The following TBC1D4 variants were observed in gnomAD, a reference collection of about 807,000 sequenced individuals.
The protein encoded by TBC1D4 is TBC (Tre-2, BUB2, CDC16) domain-containing protein.
Under a neutral mutation model 142.5 loss-of-function variants are expected in TBC1D4, and 121 were observed. The ratio of observed to expected loss-of-function variants is 0.85; its 90% confidence interval spans 0.73 to 0.99. TBC1D4 has a LOEUF of 0.99. TBC1D4 is among the 50% of genes least tolerant of loss of function. The pLI, the probability that TBC1D4 is intolerant of heterozygous loss-of-function variation, is 0.00. For synonymous variants in TBC1D4, 630 were observed against 628.2 expected (o/e 1.00, Z -0.04); for missense variants, 1,475 against 1,606.6 (o/e 0.92, Z 1.40).
chr13:75,365,676 C>T (rs1006703118), intron 1 of TBC1D4, among the ~76,000 whole-genome samples: 10 of 152,114 alleles, frequency 6.6e-5, no homozygotes, highest in Admixed American at 6.5e-5. Flanking sequence ...GAATTTGAAT[C>T]CTTCTTATAT....
chr13:75,312,839 C>T lies in TBC1D4; in HGVS notation c.2282G>A (p.Gly761Glu), dbSNP rs1391299571. 1.2e-6 allele frequency: 2 copies of T among 1,614,182 alleles called. No homozygotes were observed. Among genetic ancestry groups the T allele is most frequent in the Non-Finnish European group, 1.7e-6 (2 of 1,180,030 alleles). ...STCSNESLSV[G>E]GTSVTPRRIS... ...CCGGCGAGGAGTGACAGAGGTTCCT[C>T]CCACACTTAGGGACTCATTGCTGCA... Residue 761 changes from glycine (G) to glutamate (E), a missense_variant, in exon 13 of 21, where the codon GGA becomes GAA. This residue lies in a region of TBC1D4 where 1,227 missense variants were observed against 1,267.7 expected (regional missense o/e 0.97). Transcript: ENST00000377636.
chr13:75,312,783 C>T lies in TBC1D4; in HGVS notation c.2338G>A (p.Val780Ile), dbSNP rs1395485807. The stretch of plus-strand genomic sequence containing the variant: ...GGAGATTTGTTCATGGGAGAAGCAA[C>T]CCTGAGGAAAATGCGCTGCCGCCAG... ...ISWRQRIFLR[V>I]ASPMNKSPSA... The change falls in exon 13 of 21, where the codon GTT becomes ATT. Residue 780 changes from valine to isoleucine, a missense_variant. Coordinates refer to ENST00000377636, the MANE Select transcript of TBC1D4 (RefSeq NM_014832.5). The T allele has an allele frequency of 3.1e-6, 5 of 1,614,190 alleles. No homozygotes were observed. The highest frequency in any genetic ancestry group is 2.2e-5 in the South Asian group (2 of 91,084).
chr13:75,438,526 G>A (rs1412125836), intron 1 of TBC1D4, among the ~76,000 whole-genome samples: 3 of 152,180 alleles, frequency 2.0e-5, no homozygotes, highest in Non-Finnish European at 4.4e-5. Context: ...GTTTTAGAAA[G>A]TCTAGCCAGC....
chr13:75,351,583 C>A (rs1481508918), intron 4 of TBC1D4, among the ~76,000 whole-genome samples: 1 of 137,568 alleles, frequency 7.3e-6, no homozygotes, highest in African/African-American at 2.7e-5. Context: ...CCCCACCCCA[C>A]AATAGTCCCC....
chr13:75,396,577 T>C (rs1884804938), intron 1 of TBC1D4, among the ~76,000 whole-genome samples: 1 of 152,098 alleles, frequency 6.6e-6, no homozygotes, highest in Admixed American at 6.6e-5. Flanking sequence ...TTAAGGAGAA[T>C]TTCACAAGTT....
At chr13:75,345,154 T>C (rs755029752) in intron 5 of TBC1D4, among the ~76,000 whole-genome samples, 7 of 152,154 alleles carry the variant, frequency 4.6e-5, no homozygotes, top group Non-Finnish European at 1.0e-4. Flanking sequence ...CTAAGCAAAG[T>C]GAATACAGCA....
intron 1 of TBC1D4, among the ~76,000 whole-genome samples, chr13:75,433,421 A>G (rs762170309): frequency 2.0e-5 from 3 of 152,204 alleles, no homozygotes; most frequent in Non-Finnish European, 4.4e-5. Context: ...CCAAAGTATC[A>G]AGACAAGAGA....
intron 8 of TBC1D4, among the ~76,000 whole-genome samples, chr13:75,336,079 C>T (rs994905952): frequency 1.3e-5 from 2 of 152,124 alleles, no homozygotes; most frequent in African/African-American, 4.8e-5. Flanking sequence ...GAATAAATCT[C>T]GATCTGAGAA....
intron 1 of TBC1D4, among the ~76,000 whole-genome samples, chr13:75,472,754 C>G (rs920520557): frequency 2.0e-5 from 3 of 152,128 alleles, no homozygotes; most frequent in Admixed American, 6.5e-5. Context: ...GCAGCAGAAT[C>G]AGGGAGTTCC....
chr13:75,363,746 TCTAAATTAACTGAGAC>T (rs1215201177), intron 1 of TBC1D4, among the ~76,000 whole-genome samples: 1 of 152,232 alleles, frequency 6.6e-6, no homozygotes, highest in Non-Finnish European at 1.5e-5. Flanking sequence ...AAATACACTT[TCTAAATTAACTGAGAC>T]CTGTCTCAGA....
At chr13:75,363,164 T>C (rs1045152591) in intron 1 of TBC1D4, among the ~76,000 whole-genome samples, 5 of 152,148 alleles carry the variant, frequency 3.3e-5, no homozygotes, top group Non-Finnish European at 5.9e-5. Flanking sequence ...TACACAGACA[T>C]ATAAAATGAC....
intron 12 of TBC1D4, among the ~76,000 whole-genome samples, chr13:75,314,714 C>A (rs1214081442): frequency 6.6e-6 from 1 of 152,026 alleles, no homozygotes; most frequent in Non-Finnish European, 1.5e-5. Context: ...CACCTGTAAA[C>A]CCAGCACTTT....
At chr13:75,310,245 C>T in intron 13 of TBC1D4, 94 bp from the exon 14 acceptor site, 2 of 1,295,856 alleles carry the variant, frequency 1.5e-6, no homozygotes, top group Non-Finnish European at 2.2e-6. Context: ...ATCTTCTACA[C>T]TTAAAAATGT....
At chr13:75,407,882 A>G (rs1221656872) in intron 1 of TBC1D4, among the ~76,000 whole-genome samples, 2 of 152,192 alleles carry the variant, frequency 1.3e-5, no homozygotes, top group Non-Finnish European at 2.9e-5. Flanking sequence ...AAAAAAAAAG[A>G]AAAGAGATGG....
At chr13:75,318,080 T>A (rs965153783) in intron 12 of TBC1D4, among the ~76,000 whole-genome samples, 5 of 152,252 alleles carry the variant, frequency 3.3e-5, no homozygotes, top group African/African-American at 7.2e-5. Context: ...AGAATTGTAA[T>A]GTCTACTTGC....
chr13:75,393,970 G>A (rs1884636793), intron 1 of TBC1D4, among the ~76,000 whole-genome samples: 1 of 151,722 alleles, frequency 6.6e-6, no homozygotes, highest in South Asian at 2.1e-4. Context: ...TCTTTCTTGA[G>A]TAATACAGAT....
chr13:75,469,938 T>C (rs1217212047), intron 1 of TBC1D4, among the ~76,000 whole-genome samples: 2 of 152,086 alleles, frequency 1.3e-5, no homozygotes, highest in Non-Finnish European at 2.9e-5. Context: ...CTGAAGAAAG[T>C]TTGGGTTCAG....
At chr13:75,427,925 A>T (rs1042479045) in intron 1 of TBC1D4, among the ~76,000 whole-genome samples, 1 of 152,242 alleles carries the variant, frequency 6.6e-6, no homozygotes, top group Non-Finnish European at 1.5e-5. Context: ...GATTTCTGAT[A>T]TACTTTGGGA....
At chr13:75,379,327 A>C (rs1280143755) in intron 1 of TBC1D4, among the ~76,000 whole-genome samples, 2 of 152,178 alleles carry the variant, frequency 1.3e-5, no homozygotes, top group African/African-American at 4.8e-5. Flanking sequence ...TGTTCAATGA[A>C]ATCAATATGT....
Sources: gnomAD v4.1 joint callset for allele counts (sites outside exome capture counted in the v4.1 genomes callset) on GRCh38, gnomAD v4.1.1 for gene constraint, gnomAD v4.1.1 regional missense constraint, MANE v1.5 for transcripts, NCBI Gene and HGNC (gene_info 2026-07-23, HGNC 2026-07-21) for gene names.